TXLNB: variants seen among roughly 807,000 people sequenced by gnomAD.
The protein encoded by TXLNB is beta-taxilin.
A neutral mutation model predicts 57.4 loss-of-function variants in TXLNB; 37 were observed. The ratio of observed to expected loss-of-function variants is 0.64; its 90% CI spans 0.50 to 0.85. The LOEUF (loss-of-function observed/expected upper bound fraction) is 0.85, where lower values mean the gene tolerates loss of function less well. Among genes scored for constraint, TXLNB ranks in the 40% least tolerant of loss-of-function variants. The pLI is 0.00. For missense variants in TXLNB, 848 were observed against 825.6 expected (o/e 1.03, Z -0.33); for synonymous variants, 302 against 309.6 (o/e 0.98, Z 0.26).
chr6:139,184,161 G>A, the TXLNB span, among the ~76,000 whole-genome samples: 1 of 152,334 alleles, frequency 6.6e-6, no homozygotes, highest in Non-Finnish European at 1.5e-5. Context: ...AAACATGGAA[G>A]GAGAAGTGTC....
the TXLNB span, among the ~76,000 whole-genome samples, chr6:139,218,986 G>T: frequency 6.6e-6 from 1 of 152,198 alleles, no homozygotes; most frequent in East Asian, 1.9e-4. Flanking sequence ...TACTGGTATA[G>T]GTTCGTTATC....
At chr6:139,181,066 G>A in the TXLNB span, among the ~76,000 whole-genome samples, 7 of 152,268 alleles carry the variant, frequency 4.6e-5, no homozygotes, top group South Asian at 2.1e-4. Context: ...CAAAATTATC[G>A]TTCCGGTTTT....
the TXLNB span, among the ~76,000 whole-genome samples, chr6:139,167,705 A>C: frequency 6.6e-6 from 1 of 152,206 alleles, no homozygotes; most frequent in Non-Finnish European, 1.5e-5. Context: ...ACAGTGAGGA[A>C]AAGCAGTGGT....
the TXLNB span, among the ~76,000 whole-genome samples, chr6:139,217,864 CAAAAA>C: frequency 1.9e-5 from 1 of 51,928 alleles, no homozygotes; most frequent in African/African-American, 5.9e-5. Flanking sequence ...GCAAGAGTCT[CAAAAA>C]AAAAAAAAAA....
chr6:139,240,751 A>G lies in TXLNB; in HGVS notation c.*1775T>C, dbSNP rs1238445214. ...TTTTTTCCTGCCTAGCAACTTTGTT[A>G]TTATCCTCACTGTCTACTTCAAACA... On this transcript the variant is annotated 3_prime_UTR_variant, in exon 10 of 10. Transcript: ENST00000358430. 1 of 152,564 alleles carries G rather than the reference A, an allele frequency of 6.6e-6. No individual in the cohort carries two copies. The highest frequency in any genetic ancestry group is 1.9e-4 in the East Asian group (1 of 5,204). The allele number at this position is 152,564 out of a possible 1,614,324, so 9.5% of individuals were successfully genotyped here.
At chr6:139,160,166 T>A in the TXLNB span, among the ~76,000 whole-genome samples, 1 of 152,202 alleles carries the variant, frequency 6.6e-6, no homozygotes, top group Admixed American at 6.5e-5. Flanking sequence ...CCCTGTTTAT[T>A]TTAACTTGAG....
the TXLNB span, among the ~76,000 whole-genome samples, chr6:139,214,364 C>A: frequency 2.0e-5 from 3 of 152,090 alleles, no homozygotes; most frequent in African/African-American, 7.2e-5. Context: ...ACAAACAGAA[C>A]CAAAGACAAA....
the TXLNB span, among the ~76,000 whole-genome samples, chr6:139,210,232 G>C: frequency 6.6e-6 from 1 of 152,108 alleles, no homozygotes; most frequent in Non-Finnish European, 1.5e-5. Context: ...GGGGGGTGTG[G>C]TGAGAGGGAA....
intron 8 of TXLNB, among the ~76,000 whole-genome samples, chr6:139,246,947 A>G (rs972615364): frequency 1.3e-5 from 2 of 151,980 alleles, no homozygotes; most frequent in African/African-American, 4.8e-5. Flanking sequence ...TCAGGAAGTT[A>G]AGTGAATTGA....
chr6:139,311,626 T>G, the TXLNB span, among the ~76,000 whole-genome samples: 4 of 152,170 alleles, frequency 2.6e-5, no homozygotes. Flanking sequence ...GTTTCATTTT[T>G]ACCTGAGATG....
At chr6:139,234,700 AC>A in the TXLNB span, 1 of 152,290 alleles carries the variant, frequency 6.6e-6, no homozygotes, top group Non-Finnish European at 1.5e-5. Context: ...GAGAACTTCT[AC>A]TAGGACAGTG....
chr6:139,272,565 G>T (rs757847072), intron 3 of TXLNB, among the ~76,000 whole-genome samples: 13 of 152,174 alleles, frequency 8.5e-5, no homozygotes, highest in Non-Finnish European at 1.6e-4. Context: ...TAAAAATATT[G>T]ATTGAAATAG....
chr6:139,296,243 T>C (rs150529465), upstream of TXLNB, among the ~76,000 whole-genome samples: 1,386 of 152,338 alleles, frequency 9.1e-3, 28 homozygotes, highest in African/African-American at 0.032. Context: ...AGACTGTGTG[T>C]GTGCCTGAAA....
downstream of TXLNB, among the ~76,000 whole-genome samples, chr6:139,235,630 G>A (rs1261722254): frequency 6.6e-6 from 1 of 152,104 alleles, no homozygotes; most frequent in Non-Finnish European, 1.5e-5. Flanking sequence ...TCTTATGATA[G>A]TGATATGGGA....
chr6:139,235,521 C>T (rs1425235464), downstream of TXLNB, among the ~76,000 whole-genome samples: 1 of 152,164 alleles, frequency 6.6e-6, no homozygotes, highest in Non-Finnish European at 1.5e-5. Flanking sequence ...TGTCCCCACC[C>T]AAATCTCATC....
chr6:139,189,145 T>C, the TXLNB span, among the ~76,000 whole-genome samples: 3 of 152,216 alleles, frequency 2.0e-5, no homozygotes, highest in Non-Finnish European at 4.4e-5. Flanking sequence ...AATCATATGA[T>C]GTGTAGTGTA....
the TXLNB span, among the ~76,000 whole-genome samples, chr6:139,309,469 T>C: frequency 6.6e-6 from 1 of 152,210 alleles, no homozygotes. Context: ...CTTCTTTCCT[T>C]TCCCAGTTGC....
chr6:139,176,935 C>A, the TXLNB span: 1 of 868,818 alleles, frequency 1.2e-6, no homozygotes, highest in Non-Finnish European at 2.0e-6. This position sits in a 1 kb window ranked among gnomAD's most constrained non-coding sequence, Gnocchi z 4.5. Flanking sequence ...TGTCTGTTTC[C>A]CCCAGGCCCG....
At chr6:139,263,576 A>T (rs1776540263) in intron 4 of TXLNB, among the ~76,000 whole-genome samples, 1 of 152,100 alleles carries the variant, frequency 6.6e-6, no homozygotes, top group South Asian at 2.1e-4. Flanking sequence ...CTTTTATATC[A>T]TTTCTGTTCT....
Sources: gnomAD v4.1 joint callset for allele counts (sites outside exome capture counted in the v4.1 genomes callset) on GRCh38, gnomAD v4.1.1 for gene constraint, Gnocchi (gnomAD v3.1) non-coding constraint, MANE v1.5 for transcripts, NCBI Gene and HGNC (gene_info 2026-07-23, HGNC 2026-07-21) for gene names.